ANK3: variants seen among roughly 807,000 people sequenced by gnomAD.
ANK3 encodes the protein ankyrin-3.
Under a neutral mutation model 370.9 loss-of-function variants are expected in ANK3, and 57 were observed. The observed-to-expected ratio is 0.15, with a 90% CI of 0.12 to 0.19. The LOEUF is 0.19. ANK3 is among the 10% of genes least tolerant of loss of function. The pLI is 1.00. For synonymous variants in ANK3, 1,929 were observed against 1,946.3 expected (o/e 0.99, Z 0.23); for missense variants, 4,439 against 5,302.1 (o/e 0.84, Z 5.06).
intron 1 of ANK3, among the ~76,000 whole-genome samples, chr10:60,335,142 C>T (rs1376242604): frequency 6.6e-6 from 1 of 152,034 alleles, no homozygotes; most frequent in Non-Finnish European, 1.5e-5. Context: ...AAAATGATTA[C>T]AATCCACGGT....
Position 60,389,794 on chromosome 10 carries a change from T to C in ANK3, c.-256A>G. On this transcript the variant is annotated 5_prime_UTR_variant, in exon 1 of 44. It removes an upstream start codon present in the reference 5' UTR. Coordinates refer to ENST00000280772, the MANE Select transcript of ANK3 (RefSeq NM_020987.5). Reference sequence around the variant, plus strand: ...AGGAGAGTGCAGCCATCGTAATGCATTTACCGTAGTGAAGAAGACAGCTGG... The same window carrying C: ...AGGAGAGTGCAGCCATCGTAATGCACTTACCGTAGTGAAGAAGACAGCTGG... The C allele has an allele frequency of 7.8e-7, 1 of 1,282,486 alleles. No homozygotes were observed. The highest frequency in any genetic ancestry group is 9.9e-7 in the Non-Finnish European group (1 of 1,012,310). The allele number at this position is 1,282,486 out of a possible 1,614,324, so 79.4% of individuals were successfully genotyped here. A position where few individuals can be genotyped will look rare whatever the true frequency, so the allele number is the denominator to read the frequency against.
intron 2 of ANK3, among the ~76,000 whole-genome samples, chr10:60,577,109 C>T (rs888603279): frequency 6.6e-6 from 1 of 152,182 alleles, no homozygotes; most frequent in Non-Finnish European, 1.5e-5. Flanking sequence ...CTTTGCACTA[C>T]TTTGTGCAAA....
Position 60,401,777 on chromosome 10 carries a change from A to AT in ANK3, c.97-122139dup, listed in dbSNP as rs201379803. On this transcript the variant is annotated intron_variant, in intron 2 of 43. Transcript: ENST00000373827. ...CTATTACACATTTAGATTGCCTCCAATTTTTTTTATGAGAGAAACAATGCT... is the reference window on the plus strand; with the variant it reads ...CTATTACACATTTAGATTGCCTCCAATTTTTTTTTATGAGAGAAACAATGCT... Among the ~76,000 whole-genome samples the AT allele has an allele frequency of 1.8e-3, 276 of 152,032 alleles. 2 individuals are homozygous for AT. The highest frequency in any genetic ancestry group is 6.3e-3 in the African/African-American group (262 of 41,474).
rs1480992650 is a variant in ANK3 at position 60,678,563 on chromosome 10, A to C, written c.57+54700T>G. Among the ~76,000 whole-genome samples the C allele has an allele frequency of 2.6e-5, 4 of 152,202 alleles. No homozygotes were observed. The East Asian group carries it at 5.8e-4, about 22-fold the overall frequency. ...ATTTAATTTATAAAATGCTTCAAAA[A>C]TTATTTACTAGATTATATCAAATAT... is the stretch of plus-strand genomic sequence containing the variant. On this transcript the variant is annotated intron_variant, in intron 1 of 43. Transcript: ENST00000373827.
At chr10:60,398,300 G>A (rs1035418624) in intron 2 of ANK3, among the ~76,000 whole-genome samples, 8 of 152,178 alleles carry the variant, frequency 5.3e-5, no homozygotes, top group African/African-American at 9.7e-5. Flanking sequence ...GCTGGATGTG[G>A]CCTGCAGGCC....
At chr10:60,244,179 A>C (rs1218588125) in intron 7 of ANK3, among the ~76,000 whole-genome samples, 1 of 152,208 alleles carries the variant, frequency 6.6e-6, no homozygotes, top group Non-Finnish European at 1.5e-5. Flanking sequence ...GCAACTGCCC[A>C]AAGTGAAATC....
chr10:60,161,307 T>G (rs1306346282), intron 23 of ANK3, among the ~76,000 whole-genome samples: 1 of 152,094 alleles, frequency 6.6e-6, no homozygotes, highest in East Asian at 1.9e-4. Flanking sequence ...GTACAGTTAC[T>G]ATAGAGAAGA....
At chr10:60,534,940 T>C (rs1363439097) in intron 2 of ANK3, among the ~76,000 whole-genome samples, 1 of 152,080 alleles carries the variant, frequency 6.6e-6, no homozygotes, top group African/African-American at 2.4e-5. Context: ...GATCACCTAG[T>C]GTCAATCAGC....
At chr10:60,667,722 G>A (rs1041361056) in intron 1 of ANK3, among the ~76,000 whole-genome samples, 2 of 151,258 alleles carry the variant, frequency 1.3e-5, no homozygotes, top group Non-Finnish European at 2.9e-5. Flanking sequence ...GACATCTCCA[G>A]GGCCTCAGAG....
At chr10:60,037,897 T>A (rs182488672) in intron 43 of ANK3, among the ~76,000 whole-genome samples, 1 of 152,206 alleles carries the variant, frequency 6.6e-6, no homozygotes, top group Non-Finnish European at 1.5e-5. Context: ...TTGAACTAAT[T>A]TGCACTCCCA....
chr10:60,250,404 G>A (rs558698320), intron 7 of ANK3, among the ~76,000 whole-genome samples: 15 of 152,016 alleles, frequency 9.9e-5, no homozygotes, highest in South Asian at 2.1e-4. Flanking sequence ...TCGCTCTGTC[G>A]CCCAGGCTGG....
At chr10:60,693,540 C>T (rs1280155580) in intron 1 of ANK3, among the ~76,000 whole-genome samples, 1 of 152,218 alleles carries the variant, frequency 6.6e-6, no homozygotes, top group Non-Finnish European at 1.5e-5. Context: ...TCCCAGTATG[C>T]AGCTGGAGAT....
At chr10:60,578,172 C>T (rs997996445) in intron 2 of ANK3, among the ~76,000 whole-genome samples, 6 of 152,164 alleles carry the variant, frequency 3.9e-5, no homozygotes, top group African/African-American at 1.4e-4. Flanking sequence ...CCTGGTTATT[C>T]AGCCATATGC....
At chr10:60,081,677 G>T in intron 35 of ANK3, 1 of 330,908 alleles carries the variant, frequency 3.0e-6, no homozygotes, top group South Asian at 2.5e-5. Flanking sequence ...GTTATAACAT[G>T]CTGGATAGTA....
At chr10:60,372,079 G>A (rs188400223) in intron 1 of ANK3, among the ~76,000 whole-genome samples, 10 of 152,248 alleles carry the variant, frequency 6.6e-5, no homozygotes, top group South Asian at 2.1e-4. Flanking sequence ...ACACTTTACC[G>A]CTGTTTATAA....
At position 60,029,654 on chromosome 10, in the gene ANK3, C is replaced by T. The variant is rs2072816865; in HGVS notation, c.*192G>A. ...GTGATTTCCATGCTCTGTAAATTGG[C>T]TCATGCTAAATTAAAATGTGGGTGG... On this transcript the variant is annotated 3_prime_UTR_variant, in exon 44 of 44. Transcript: ENST00000280772. The T allele has an allele frequency of 3.3e-5, 5 of 152,308 alleles. No homozygotes were observed. In the Admixed American group the frequency reaches 3.3e-4, roughly 10 times the overall value. 9.4% of individuals were successfully genotyped at this position (152,308 alleles called of 1,614,324 possible).
chr10:60,152,901 G>A (rs1007465499), intron 23 of ANK3, among the ~76,000 whole-genome samples: 1 of 151,914 alleles, frequency 6.6e-6, no homozygotes, highest in Non-Finnish European at 1.5e-5. Context: ...AATTTTACAA[G>A]CATAGTTTAT....
chr10:60,112,187 T>A (rs1276478741), intron 26 of ANK3, among the ~76,000 whole-genome samples: 1 of 152,204 alleles, frequency 6.6e-6, no homozygotes, highest in East Asian at 1.9e-4. Context: ...CTTCTCAGTT[T>A]ACTAAATTAA....
chr10:60,630,095 A>G (rs2078461834), intron 1 of ANK3, among the ~76,000 whole-genome samples: 3 of 152,174 alleles, frequency 2.0e-5, no homozygotes, highest in African/African-American at 7.2e-5. Flanking sequence ...CATGATTCCT[A>G]TTCTATCATT....
Sources: allele counts gnomAD v4.1 joint callset (sites outside exome capture counted in the v4.1 genomes callset), GRCh38; gene constraint gnomAD v4.1.1; transcripts MANE v1.5; gene names NCBI Gene and HGNC (gene_info 2026-07-23, HGNC 2026-07-21).